Variants in KDR observed in about 807,000 individuals in gnomAD.
KDR encodes the protein kinase insert domain receptor.
KDR carries 43 observed loss-of-function variants against 160.9 expected under a neutral mutation model. That is an observed-to-expected ratio of 0.27 (90% CI 0.21 to 0.34). The LOEUF is 0.34. Among genes scored for constraint, KDR ranks in the 10% least tolerant of loss-of-function variants. KDR has a pLI of 1.00. For missense variants in KDR, 1,469 were observed against 1,666.4 expected, an observed-to-expected ratio of 0.88 and a Z score of 2.06; for synonymous variants, 617 against 600.1, an observed-to-expected ratio of 1.03 and a Z score of -0.41.
In KDR at chr4:55,110,379, G is replaced by A. The variant is rs192844181; in HGVS notation, c.1255+24C>T. 92 of 1,611,382 alleles carry A rather than the reference G, an allele frequency of 5.7e-5. No homozygotes were observed. In the East Asian group the frequency reaches 2.0e-3, roughly 35 times the overall value. On this transcript the variant is annotated intron_variant, in intron 9 of 29. Coordinates refer to ENST00000263923, the MANE Select transcript of KDR (RefSeq NM_002253.4). ...AATGTATCATAATAAATCTTGGGCAGAGAGGAAAATTGAATGGACTCACCA... is the reference window on the plus strand; with the variant it reads ...AATGTATCATAATAAATCTTGGGCAAAGAGGAAAATTGAATGGACTCACCA...
rs1055977583 is a variant in KDR at position 55,086,918 on chromosome 4, C to T, written c.3662+689G>A. On this transcript the variant is annotated intron_variant, in intron 27 of 29. Transcript: ENST00000263923. ...GAAACAAAGCAAAATGAAGTAGTCC[C>T]AGCCTTAGTAAAGGGCAATTTTAAT... Among the ~76,000 whole-genome samples the T allele has an allele frequency of 2.6e-5, 4 of 152,312 alleles. No homozygotes were observed. The East Asian group carries it at 7.7e-4, about 29-fold the overall frequency.
chr4:55,087,559 G>A (rs769341200), intron 27 of KDR, 48 bp downstream of exon 27: 2 of 1,566,488 alleles, frequency 1.3e-6, no homozygotes, highest in African/African-American at 1.4e-5. Flanking sequence ...CTCCCGAGAT[G>A]GCCTTGAAGT....
Position 55,100,572 on chromosome 4 carries a change from C to T in KDR, c.2266+1325G>A, listed in dbSNP as rs117637294. ...AAGAGGTAATGCAGAGCATCAGAGA[C>T]AATCTAGACGTCATTCTGCGGATTT... On this transcript the variant is annotated intron_variant, in intron 15 of 29. Coordinates refer to ENST00000263923, the MANE Select transcript of KDR (RefSeq NM_002253.4). Among the ~76,000 whole-genome samples the T allele has an allele frequency of 1.2e-3, 188 of 152,288 alleles. 5 individuals are homozygous for T. In the East Asian group the frequency reaches 0.033, roughly 27 times the overall value.
Position 55,106,756 on chromosome 4 carries a change from C to G in KDR, c.1467G>C (p.Glu489Asp), listed in dbSNP as rs1466965239. The G allele has an allele frequency of 6.3e-7, 1 of 1,595,550 alleles. No individual in the cohort carries two copies. Reference sequence around the variant, plus strand: ...CAATTTTATTTCCTCCCTGGAAGTCCTCCACACTTCTCCATTCTTCACAAG... The same window carrying G: ...CAATTTTATTTCCTCCCTGGAAGTCGTCCACACTTCTCCATTCTTCACAAG... ...PYPCEEWRSV[E>D]DFQGGNKIEV... The change falls in exon 11 of 30, where the codon GAG (glutamate) becomes GAC (aspartate). Residue 489 changes from glutamate to aspartate, a missense_variant. By Grantham distance (45) the Glu-to-Asp change is conservative. Coordinates refer to ENST00000263923, the MANE Select transcript of KDR (RefSeq NM_002253.4).
chr4:55,084,560 A>G (rs1321581834), intron 27 of KDR, among the ~76,000 whole-genome samples: 1 of 152,192 alleles, frequency 6.6e-6, no homozygotes, highest in Non-Finnish European at 1.5e-5. Flanking sequence ...TGTTTCTCCT[A>G]AGACGGAGAA....
intron 23 of KDR, 38 bp from the exon 24 acceptor site, chr4:55,089,840 A>C (rs772413539): frequency 6.2e-6 from 10 of 1,607,864 alleles, no homozygotes; most frequent in Non-Finnish European, 8.5e-6. Context: ...AACCCAAATT[A>C]GCAAATATCT....
chr4:55,095,460 T>C (rs1720127316), intron 20 of KDR, 117 bp downstream of exon 20: 3 of 748,668 alleles, frequency 4.0e-6, no homozygotes, highest in Non-Finnish European at 7.2e-6. Context: ...CAAGAGGTAA[T>C]ATGAGAAGAT....
Position 55,110,639 on chromosome 4 carries a change from A to C in KDR, c.1091+15T>G. Reference sequence around the variant, plus strand: ...TCACACGAAATGATGCTTTGCATTTATTTCCAGTAGTTACCATTTTATTTC... The same window carrying C: ...TCACACGAAATGATGCTTTGCATTTCTTTCCAGTAGTTACCATTTTATTTC... On this transcript the variant is annotated intron_variant, in intron 8 of 29. Transcript: ENST00000263923. 3.1e-6 allele frequency: 5 copies of C among 1,613,016 alleles called. No individual in the cohort carries two copies. The South Asian group carries it at 4.4e-5, about 14-fold the overall frequency.
At chr4:55,096,193 A>C (rs1324058972) in intron 19 of KDR, 36 bp downstream of exon 19, 2 of 1,193,690 alleles carry the variant, frequency 1.7e-6, no homozygotes, top group Non-Finnish European at 2.5e-6. Context: ...GAGGCATGTT[A>C]AAATTGGGTG....
intron 1 of KDR, among the ~76,000 whole-genome samples, chr4:55,124,258 C>G (rs901296890): frequency 2.6e-5 from 4 of 151,980 alleles, no homozygotes; most frequent in Admixed American, 1.3e-4. Flanking sequence ...CCTTTCTCAC[C>G]CTGCAAAGGG....
In KDR at chr4:55,110,728, C is replaced by T. The variant is rs748242392; in HGVS notation, c.1017G>A (p.Leu339=). The T allele has an allele frequency of 6.2e-7, 1 of 1,612,534 alleles. No homozygotes were observed. Among genetic ancestry groups the T allele is most frequent in the South Asian group, 1.1e-5 (1 of 91,008 alleles). ...CACGCTCCCCCACCGTGGCTTCCAC[C>T]AGAGATTCCATGCCACTTCCAAAAG... The part of the protein sequence containing the change: ...FVAFGSGMES[L]VEATVGERVR... The change falls in exon 8 of 30, where the codon CTG becomes CTA. Residue 339 remains leucine, a synonymous_variant. Transcript: ENST00000263923.
intron 7 of KDR, among the ~76,000 whole-genome samples, chr4:55,112,523 A>ATTTTTT (rs72203928): frequency 8.5e-6 from 1 of 117,172 alleles, no homozygotes; most frequent in African/African-American, 3.2e-5. Flanking sequence ...TTATACCTTG[A>ATTTTTT]TTTTTTTTTT....
intron 7 of KDR, among the ~76,000 whole-genome samples, chr4:55,112,255 C>T (rs1202906354): frequency 6.6e-6 from 1 of 152,090 alleles, no homozygotes; most frequent in Non-Finnish European, 1.5e-5. Flanking sequence ...CCTCCTCTTC[C>T]CCCTTTTCCT....
intron 18 of KDR, among the ~76,000 whole-genome samples, chr4:55,097,261 GA>G (rs1211680380): frequency 3.9e-5 from 6 of 152,066 alleles, no homozygotes; most frequent in Admixed American, 1.3e-4. Context: ...CAATTCTGGA[GA>G]ACATGCTATT....
intron 9 of KDR, among the ~76,000 whole-genome samples, chr4:55,109,491 G>A (rs988420600): frequency 6.6e-6 from 1 of 152,090 alleles, no homozygotes; most frequent in African/African-American, 2.4e-5. Context: ...AAAATATCCT[G>A]AAGTTTTAAT....
At chr4:55,118,436 A>G (rs1012392145) in intron 3 of KDR, among the ~76,000 whole-genome samples, 168 bp downstream of exon 3, 5 of 152,230 alleles carry the variant, frequency 3.3e-5, no homozygotes, top group African/African-American at 1.2e-4. Context: ...TCCAGAATCA[A>G]TGAGTCTTAT....
chr4:55,102,121 A>G, intron 14 of KDR, 93 bp from the exon 15 acceptor site: 5 of 1,536,268 alleles, frequency 3.3e-6, no homozygotes, highest in Admixed American at 1.7e-5. Flanking sequence ...GCTGCCCTTC[A>G]TCTTGTTCTA....
intron 7 of KDR, among the ~76,000 whole-genome samples, chr4:55,112,783 G>C (rs560002492): frequency 1.3e-5 from 2 of 152,216 alleles, no homozygotes; most frequent in African/African-American, 4.8e-5. Flanking sequence ...ACCCACCTCA[G>C]ACTCCCAAAG....
intron 29 of KDR, among the ~76,000 whole-genome samples, chr4:55,080,616 A>G (rs1160794580): frequency 1.8e-4 from 28 of 152,240 alleles, no homozygotes; most frequent in Admixed American, 1.7e-3. Context: ...TGGTTGTAAT[A>G]AAGCTCTTGA....
Sources: gnomAD v4.1 joint callset for allele counts (sites outside exome capture counted in the v4.1 genomes callset) on GRCh38, gnomAD v4.1.1 for gene constraint, MANE v1.5 for transcripts, NCBI Gene and HGNC (gene_info 2026-07-23, HGNC 2026-07-21) for gene names.